Variants in SRD5A2 observed in about 807,000 individuals in gnomAD.
The protein encoded by SRD5A2 is steroid 5 alpha-reductase 2, also known as 3-oxo-5-alpha-steroid 4-dehydrogenase 2.
A neutral mutation model predicts 27.4 loss-of-function variants in SRD5A2; 30 were observed. The observed-to-expected ratio is 1.10, with a 90% CI of 0.82 to 1.49. The LOEUF is 1.49. Ranked by LOEUF, SRD5A2 falls within the 40% of genes most tolerant of loss-of-function variation. SRD5A2 has a pLI of 0.00. For synonymous variants in SRD5A2, 141 were observed against 133.6 expected, an observed-to-expected ratio of 1.06 and a Z score of -0.38; for missense variants, 348 against 323.4, an observed-to-expected ratio of 1.08 and a Z score of -0.58.
intron 1 of SRD5A2, among the ~76,000 whole-genome samples, chr2:31,556,865 T>C (rs1250855181): frequency 6.6e-6 from 1 of 152,150 alleles, no homozygotes; most frequent in Non-Finnish European, 1.5e-5. Flanking sequence ...GTAAGGGAAA[T>C]GTCAGCAAAG....
the SRD5A2 span, among the ~76,000 whole-genome samples, chr2:31,593,702 C>G: frequency 1.3e-5 from 2 of 152,112 alleles, no homozygotes; most frequent in Non-Finnish European, 2.9e-5. Flanking sequence ...AAAGAACACC[C>G]AGGAAATTCA....
intron 1 of SRD5A2, among the ~76,000 whole-genome samples, chr2:31,551,858 A>G (rs950456778): frequency 6.6e-6 from 1 of 152,118 alleles, no homozygotes; most frequent in Non-Finnish European, 1.5e-5. Context: ...TAGATTGACA[A>G]AACAGAATAT....
the SRD5A2 span, among the ~76,000 whole-genome samples, chr2:31,593,874 G>T: frequency 1.3e-5 from 2 of 152,200 alleles, no homozygotes; most frequent in African/African-American, 4.8e-5. Context: ...AGCCAGAAGG[G>T]ATTGGGGTCC....
chr2:31,590,010 G>C, the SRD5A2 span, among the ~76,000 whole-genome samples: 1 of 152,058 alleles, frequency 6.6e-6, no homozygotes, highest in Admixed American at 6.5e-5. Context: ...CGCTTCCCTG[G>C]TGACATGTAT....
chr2:31,598,598 G>A, the SRD5A2 span, among the ~76,000 whole-genome samples: 107 of 151,292 alleles, frequency 7.1e-4, no homozygotes, highest in Non-Finnish European at 1.1e-3. Flanking sequence ...GTTGTTATCC[G>A]CTTAATATAA....
chr2:31,621,615 T>TTTTTG, the SRD5A2 span, among the ~76,000 whole-genome samples: 7 of 151,870 alleles, frequency 4.6e-5, no homozygotes, highest in Non-Finnish European at 1.0e-4. Flanking sequence ...TATATGCAGG[T>TTTTTG]TTTTGTTTTG....
At chr2:31,644,171 A>G in the SRD5A2 span, among the ~76,000 whole-genome samples, 1 of 152,200 alleles carries the variant, frequency 6.6e-6, no homozygotes, top group Non-Finnish European at 1.5e-5. Flanking sequence ...AAAATACCAA[A>G]GTAATATGTA....
intron 1 of SRD5A2, among the ~76,000 whole-genome samples, chr2:31,578,869 T>G (rs765138): frequency 0.63 from 95,196 of 151,986 alleles, 30,044 homozygotes; most frequent in African/African-American, 0.69. Flanking sequence ...TACATTAATA[T>G]GATTGTCACA....
the SRD5A2 span, among the ~76,000 whole-genome samples, chr2:31,654,418 T>C: frequency 1.3e-5 from 2 of 152,162 alleles, no homozygotes; most frequent in East Asian, 3.9e-4. Flanking sequence ...CAGGGCTGAA[T>C]TTAGTTCAGA....
chr2:31,650,490 T>C, the SRD5A2 span, among the ~76,000 whole-genome samples: 5 of 152,190 alleles, frequency 3.3e-5, no homozygotes, highest in Admixed American at 2.0e-4. Flanking sequence ...AGCTTCATCC[T>C]TTCCTCCTCT....
chr2:31,527,424 C>A (rs1031563512), intron 4 of SRD5A2: 7 of 152,348 alleles, frequency 4.6e-5, no homozygotes, highest in African/African-American at 4.8e-5. Context: ...GATGTGAGTG[C>A]CTGGCTTTGT....
chr2:31,557,102 C>T (rs1351992826), intron 1 of SRD5A2, among the ~76,000 whole-genome samples: 1 of 152,158 alleles, frequency 6.6e-6, no homozygotes, highest in Non-Finnish European at 1.5e-5. Flanking sequence ...GCACTGATTC[C>T]AGAGTATCTG....
At chr2:31,609,395 G>A in the SRD5A2 span, among the ~76,000 whole-genome samples, 1 of 151,938 alleles carries the variant, frequency 6.6e-6, no homozygotes, top group Non-Finnish European at 1.5e-5. Flanking sequence ...AAGATAGTGT[G>A]GTACTAACAT....
intron 4 of SRD5A2, chr2:31,527,815 G>A (rs1217030509): frequency 2.0e-5 from 3 of 152,188 alleles, no homozygotes; most frequent in Non-Finnish European, 4.4e-5. Flanking sequence ...TTTCAGAACT[G>A]TTGTCCTCGA....
At chr2:31,601,072 A>T in the SRD5A2 span, among the ~76,000 whole-genome samples, 2 of 152,032 alleles carry the variant, frequency 1.3e-5, no homozygotes, top group Non-Finnish European at 2.9e-5. Context: ...AATAACCAAG[A>T]TCAGACCTGA....
At chr2:31,542,593 A>G (rs903431944) in intron 1 of SRD5A2, among the ~76,000 whole-genome samples, 2 of 152,172 alleles carry the variant, frequency 1.3e-5, no homozygotes, top group Admixed American at 1.3e-4. Context: ...AATACAAATA[A>G]AGATTTTGAA....
At chr2:31,582,369 G>A (rs1667098330), upstream of SRD5A2, among the ~76,000 whole-genome samples, 2 of 152,166 alleles carry the variant, frequency 1.3e-5, no homozygotes, top group African/African-American at 4.8e-5. Context: ...TGATGCTTTA[G>A]CACTACAGGG....
intron 1 of SRD5A2, among the ~76,000 whole-genome samples, chr2:31,578,246 A>T (rs530830176): frequency 7.9e-5 from 12 of 152,106 alleles, no homozygotes; most frequent in African/African-American, 2.4e-4. Flanking sequence ...AATTTAAAAA[A>T]TTTTTACATA....
chr2:31,607,739 AT>A, the SRD5A2 span, among the ~76,000 whole-genome samples: 2 of 151,868 alleles, frequency 1.3e-5, no homozygotes, highest in African/African-American at 2.4e-5. Flanking sequence ...AACAAAATAT[AT>A]TTTTTTATTT....
Sources: allele counts gnomAD v4.1 joint callset (sites outside exome capture counted in the v4.1 genomes callset), GRCh38; gene constraint gnomAD v4.1.1; transcripts MANE v1.5; gene names NCBI Gene and HGNC (gene_info 2026-07-23, HGNC 2026-07-21).